MTHFD2L: variants seen among roughly 807,000 people sequenced by gnomAD.
MTHFD2L encodes the protein methylenetetrahydrofolate dehydrogenase (NADP+ dependent) 2 like, also known as bifunctional methylenetetrahydrofolate dehydrogenase/cyclohydrolase 2, mitochondrial.
A neutral mutation model predicts 34.9 loss-of-function variants in MTHFD2L; 29 were observed. The ratio of observed to expected loss-of-function variants is 0.83; its 90% CI spans 0.62 to 1.13. The LOEUF (loss-of-function observed/expected upper bound fraction) is 1.13. MTHFD2L is among the 50% of genes most tolerant of loss of function. The pLI is 0.00. For missense variants in MTHFD2L, 481 were observed against 446.5 expected (o/e 1.08, Z -0.70); for synonymous variants, 167 against 155.7 (o/e 1.07, Z -0.54).
chr4:74,286,234 T>G (rs1748154114), intron 7 of MTHFD2L, among the ~76,000 whole-genome samples: 1 of 152,192 alleles, frequency 6.6e-6, no homozygotes, highest in Non-Finnish European at 1.5e-5. Context: ...AGAAACAGTA[T>G]TTAAAACCAT....
At chr4:74,294,348 A>C (rs1352532840) in intron 7 of MTHFD2L, among the ~76,000 whole-genome samples, 1 of 152,154 alleles carries the variant, frequency 6.6e-6, no homozygotes, top group African/African-American at 2.4e-5. Context: ...ATTAGAGAGT[A>C]TTCCAACAAA....
chr4:74,270,157 A>G (rs1266492175), intron 6 of MTHFD2L, among the ~76,000 whole-genome samples: 2 of 151,744 alleles, frequency 1.3e-5, no homozygotes, highest in African/African-American at 2.4e-5. Context: ...AATTCATTTT[A>G]TTTTTTTCTT....
At chr4:74,154,867 T>C (rs1188663722), upstream of MTHFD2L, among the ~76,000 whole-genome samples, 1 of 152,166 alleles carries the variant, frequency 6.6e-6, no homozygotes, top group East Asian at 1.9e-4. Context: ...TCCTGAATAT[T>C]CATACATCTA....
chr4:74,191,719 TTTTTGTATTTTTAGGG>T (rs976450767), intron 3 of MTHFD2L, among the ~76,000 whole-genome samples: 5 of 151,810 alleles, frequency 3.3e-5, no homozygotes, highest in African/African-American at 9.7e-5. Flanking sequence ...CCCAGGTAAT[TTTTTGTATTTTTAGGG>T]TTTTGTATTT....
At chr4:74,268,566 A>G (rs1745589911) in intron 6 of MTHFD2L, among the ~76,000 whole-genome samples, 1 of 152,166 alleles carries the variant, frequency 6.6e-6, no homozygotes, top group Non-Finnish European at 1.5e-5. Context: ...GTTTAATTAG[A>G]TAATGTTTAC....
At position 74,282,120 on chromosome 4, in the gene MTHFD2L, TA is replaced by T. The variant is rs886742973; in HGVS notation, c.931+580del. ...ATACAAGGCAACAAATATGTAGTAG[TA>T]AAAAAAAAATTCTAACCCAGTCTTC... On this transcript the variant is annotated intron_variant, in intron 7 of 7. Transcript: ENST00000325278. Among the ~76,000 whole-genome samples the T allele has an allele frequency of 5.0e-4, 75 of 150,248 alleles. 1 individual carries two copies. The highest frequency in any genetic ancestry group is 1.1e-3 in the African/African-American group (44 of 41,062).
At chr4:74,138,114 A>T (rs1335404626) in intron 1 of MTHFD2L, among the ~76,000 whole-genome samples, 1 of 152,038 alleles carries the variant, frequency 6.6e-6, no homozygotes, top group African/African-American at 2.4e-5. Flanking sequence ...TAAATAAGTA[A>T]ATTCGGCCTT....
At chr4:74,150,314 T>C (rs1285378945) in intron 1 of MTHFD2L, among the ~76,000 whole-genome samples, 7 of 152,216 alleles carry the variant, frequency 4.6e-5, no homozygotes, top group Admixed American at 3.3e-4. Flanking sequence ...AGTGCAATGG[T>C]GCGATCTCAG....
chr4:74,178,871 A>G (rs497461), intron 3 of MTHFD2L, among the ~76,000 whole-genome samples: 152,028 of 152,110 alleles, frequency 1, 75,973 homozygotes, highest in Non-Finnish European at 1. Flanking sequence ...CCAAGTTCAT[A>G]GAGTTGCTAA....
chr4:74,214,707 C>T (rs1410716114), intron 5 of MTHFD2L, among the ~76,000 whole-genome samples: 1 of 151,856 alleles, frequency 6.6e-6, no homozygotes, highest in East Asian at 1.9e-4. Context: ...CTTGAGGAGG[C>T]AGTCTGTCCC....
At chr4:74,287,772 C>A (rs1475153621) in intron 7 of MTHFD2L, among the ~76,000 whole-genome samples, 1 of 152,104 alleles carries the variant, frequency 6.6e-6, no homozygotes, top group Admixed American at 6.6e-5. Context: ...TTGGCTCTTT[C>A]CCATAAAAGT....
intron 1 of MTHFD2L, among the ~76,000 whole-genome samples, chr4:74,149,396 AT>A (rs1300827184): frequency 6.6e-6 from 1 of 151,968 alleles, no homozygotes; most frequent in Non-Finnish European, 1.5e-5. Flanking sequence ...ATTTAATAAT[AT>A]TTAGCAGAAA....
At chr4:74,295,332 C>G (rs1749496958) in intron 7 of MTHFD2L, among the ~76,000 whole-genome samples, 1 of 152,108 alleles carries the variant, frequency 6.6e-6, no homozygotes, top group African/African-American at 2.4e-5. Context: ...ATTGCTTTCT[C>G]TTTCCCTTTC....
chr4:74,253,962 T>A (rs1743658520), intron 6 of MTHFD2L, among the ~76,000 whole-genome samples: 2 of 152,100 alleles, frequency 1.3e-5, no homozygotes, highest in African/African-American at 4.8e-5. Flanking sequence ...TGAACCCAAA[T>A]GCCAAGACTT....
At chr4:74,167,589 A>C (rs1726987190) in intron 1 of MTHFD2L, among the ~76,000 whole-genome samples, 1 of 152,196 alleles carries the variant, frequency 6.6e-6, no homozygotes, top group Non-Finnish European at 1.5e-5. Flanking sequence ...AAAACATCAC[A>C]AGAGTGTTTT....
intron 5 of MTHFD2L, among the ~76,000 whole-genome samples, chr4:74,203,325 A>T (rs1309839380): frequency 1.3e-5 from 2 of 152,076 alleles, no homozygotes; most frequent in African/African-American, 2.4e-5. Context: ...ATTGCTGCTT[A>T]TCTCTTTCTC....
At chr4:74,180,310 G>A (rs1033424065) in intron 3 of MTHFD2L, among the ~76,000 whole-genome samples, 12 of 152,060 alleles carry the variant, frequency 7.9e-5, no homozygotes, top group Non-Finnish European at 1.5e-5. Context: ...CCTCTCCTAT[G>A]TATATCTCAT....
At chr4:74,265,274 C>G (rs1745147474) in intron 6 of MTHFD2L, among the ~76,000 whole-genome samples, 1 of 152,156 alleles carries the variant, frequency 6.6e-6, no homozygotes, top group Admixed American at 6.5e-5. Context: ...TGCCAGGGCT[C>G]TGCTCTAATG....
At chr4:74,233,878 T>C (rs1450190387) in intron 6 of MTHFD2L, among the ~76,000 whole-genome samples, 7 of 152,000 alleles carry the variant, frequency 4.6e-5, no homozygotes, top group African/African-American at 1.4e-4. Flanking sequence ...CAATCTATGG[T>C]ATTAGTACAT....
Sources: gnomAD v4.1 joint callset for allele counts (sites outside exome capture counted in the v4.1 genomes callset) on GRCh38, gnomAD v4.1.1 for gene constraint, MANE v1.5 for transcripts, NCBI Gene and HGNC (gene_info 2026-07-23, HGNC 2026-07-21) for gene names.